SLCO4C1: variants seen among roughly 807,000 people sequenced by gnomAD.
SLCO4C1 encodes the protein organic anion transporter M1.
SLCO4C1 carries 58 observed loss-of-function variants against 72.1 expected under a neutral mutation model. The ratio of observed to expected loss-of-function variants is 0.80; its 90% confidence interval spans 0.65 to 1.00. The LOEUF is 1.00. Among genes scored for constraint, SLCO4C1 ranks in the 50% least tolerant of loss-of-function variants. The probability of loss-of-function intolerance (pLI) is 0.00; values close to 1 mark genes in which losing one functional copy is unlikely to be tolerated. For missense variants in SLCO4C1, 898 were observed against 857.9 expected (o/e 1.05, Z -0.58); for synonymous variants, 297 against 312.5 (o/e 0.95, Z 0.52).
At chr5:102,269,309 T>A (rs1268617910) in intron 3 of SLCO4C1, among the ~76,000 whole-genome samples, 1 of 151,938 alleles carries the variant, frequency 6.6e-6, no homozygotes, top group Non-Finnish European at 1.5e-5. Context: ...AATTCAAATA[T>A]TTGTATACTT....
rs748593724 is a variant in SLCO4C1 at position 102,296,188 on chromosome 5, C to T, written c.75G>A (p.Ala25=). The change falls in exon 1 of 13, where the codon GCG becomes GCA. Residue 25 remains alanine, a synonymous_variant. Coordinates refer to ENST00000310954, the MANE Select transcript of SLCO4C1 (RefSeq NM_180991.5). ...SSPDILRRLS[A]SPSQIEVSAL... ...CAGAGACTTCGATTTGGGAGGGCGA[C>T]GCAGACAAGCGGCGCAGGATGTCTG... 1.9e-6 allele frequency: 3 copies of T among 1,606,210 alleles called. No individual in the cohort carries two copies. In the East Asian group the frequency reaches 6.7e-5, roughly 36 times the overall value.
chr5:102,284,478 G>C (rs1749412268), intron 2 of SLCO4C1, among the ~76,000 whole-genome samples: 1 of 152,156 alleles, frequency 6.6e-6, no homozygotes, highest in Admixed American at 6.5e-5. Context: ...CATTTACCTA[G>C]AGGAAGACAA....
Position 102,253,544 on chromosome 5 carries a change from C to A in SLCO4C1, c.1469+3571G>T, listed in dbSNP as rs183849140. Among the ~76,000 whole-genome samples the A allele has an allele frequency of 8.2e-3, 1,248 of 152,126 alleles. 7 individuals carry two copies. The highest frequency in any genetic ancestry group is 0.017 in the Middle Eastern group (5 of 294). On this transcript the variant is annotated intron_variant, in intron 8 of 12. Coordinates refer to ENST00000310954, the MANE Select transcript of SLCO4C1 (RefSeq NM_180991.5). The stretch of plus-strand genomic sequence containing the variant: ...ACTATTAGCCAGGCACAGTGGCTCG[C>A]ACCTGTAATCCCAGCACTTTGGGAG...
At position 102,253,982 on chromosome 5, in the gene SLCO4C1, AT is replaced by A. The variant is rs1411453058; in HGVS notation, c.1469+3132del. ...ATATATATATATCCCCTGATCTTAC[AT>A]TTTTTGGAAATGCTGTTATATTAAA... On this transcript the variant is annotated intron_variant, in intron 8 of 12. Coordinates refer to ENST00000310954, the MANE Select transcript of SLCO4C1 (RefSeq NM_180991.5). 1.6e-4 allele frequency among the ~76,000 whole-genome samples: 24 copies of A among 151,862 alleles called. 1 individual carries two copies. Among genetic ancestry groups the A allele is most frequent in the Admixed American group, 8.5e-4 (13 of 15,238 alleles).
chr5:102,283,658 C>T (rs3114663), intron 2 of SLCO4C1, among the ~76,000 whole-genome samples: 2,662 of 150,402 alleles, frequency 0.018, 74 homozygotes, highest in African/African-American at 0.06. Context: ...GACACAACTA[C>T]GCCTATGGCC....
intron 8 of SLCO4C1, among the ~76,000 whole-genome samples, chr5:102,251,617 AG>A (rs1451542559): frequency 1.3e-5 from 2 of 152,128 alleles, no homozygotes; most frequent in African/African-American, 4.8e-5. Flanking sequence ...GAAGAGTCAA[AG>A]GTGACTCCTA....
chr5:102,263,814 T>G, intron 3 of SLCO4C1, 34 bp from the exon 4 acceptor site: 1 of 1,502,632 alleles, frequency 6.7e-7, no homozygotes, highest in Non-Finnish European at 9.2e-7. Context: ...AATACAGTCA[T>G]ATGTACAACT....
intron 10 of SLCO4C1, among the ~76,000 whole-genome samples, chr5:102,242,722 C>A (rs554169043): frequency 6.6e-6 from 1 of 152,106 alleles, no homozygotes; most frequent in Non-Finnish European, 1.5e-5. Flanking sequence ...ACATTGAGGG[C>A]GTTGGGTGAG....
chr5:102,247,184 C>G (rs1389520513), intron 10 of SLCO4C1, 68 bp downstream of exon 10: 17 of 1,220,436 alleles, frequency 1.4e-5, no homozygotes, highest in African/African-American at 3.0e-5. Flanking sequence ...CCAAATGAAC[C>G]CCGAGTCCAT....
chr5:102,261,861 C>T, intron 5 of SLCO4C1, 51 bp downstream of exon 5: 1 of 1,533,036 alleles, frequency 6.5e-7, no homozygotes, highest in Non-Finnish European at 8.8e-7. Flanking sequence ...AAAATAGCAA[C>T]TGGCCTACAA....
chr5:102,292,170 A>C (rs1749569735), intron 1 of SLCO4C1, among the ~76,000 whole-genome samples: 1 of 152,202 alleles, frequency 6.6e-6, no homozygotes, highest in Non-Finnish European at 1.5e-5. Context: ...CAGGTGTCCA[A>C]CAAGACTGAT....
intron 1 of SLCO4C1, among the ~76,000 whole-genome samples, chr5:102,295,085 TC>T (rs1394236155): frequency 6.6e-6 from 1 of 152,158 alleles, no homozygotes; most frequent in Non-Finnish European, 1.5e-5. Context: ...CTTCCTATTT[TC>T]CTTCAACCTC....
Position 102,234,767 on chromosome 5 carries a change from T to C in SLCO4C1, c.*2091A>G, listed in dbSNP as rs1748402787. On this transcript the variant is annotated 3_prime_UTR_variant, in exon 13 of 13. Transcript: ENST00000310954. Reference sequence around the variant, plus strand: ...TATGAAAGTCTTCAATCCAATTCCCTGCTTCCACACAAAGGACAAAGAAAG... The same window carrying C: ...TATGAAAGTCTTCAATCCAATTCCCCGCTTCCACACAAAGGACAAAGAAAG... The C allele has an allele frequency of 6.6e-6, 1 of 150,916 alleles. No individual in the cohort carries two copies. Among genetic ancestry groups the C allele is most frequent in the African/African-American group, 2.4e-5 (1 of 40,884 alleles). The allele number at this position is 150,916 out of a possible 1,614,324, so 9.3% of individuals were successfully genotyped here. A position where few individuals can be genotyped will look rare whatever the true frequency, so the allele number is the denominator to read the frequency against.
intron 9 of SLCO4C1, among the ~76,000 whole-genome samples, chr5:102,249,025 TG>T (rs1748686324): frequency 6.6e-6 from 1 of 152,186 alleles, no homozygotes; most frequent in South Asian, 2.1e-4. Context: ...AGTGTATTCA[TG>T]GTATATCAAA....
At chr5:102,260,357 TTATAC>T in intron 5 of SLCO4C1, 38 bp from the exon 6 acceptor site, 1 of 237,076 alleles carries the variant, frequency 4.2e-6, no homozygotes, top group Non-Finnish European at 6.6e-6. Context: ...AATATATATA[TTATAC>T]ATATAATATA....
At position 102,258,063 on chromosome 5, in the gene SLCO4C1, T is replaced by G. The variant is rs1262179814; in HGVS notation, c.1153A>C (p.Met385Leu). 5 of 1,574,354 alleles carry G rather than the reference T, an allele frequency of 3.2e-6. No individual in the cohort carries two copies. The highest frequency in any genetic ancestry group is 2.8e-5 in the African/African-American group (2 of 72,492). ...GAAGAAGTTGATAGAACTAAACACA[T>G]AAAGACAGCATTCTTCATCAAATTC... ...LKNLMKNAVF[M>L]CLVLSTSSEA... is the part of the protein sequence containing the mutation. Residue 385 changes from methionine to leucine, a missense_variant, in exon 7 of 13, where the codon ATG becomes CTG. Transcript: ENST00000310954.
At chr5:102,293,301 A>T (rs1749588613) in intron 1 of SLCO4C1, among the ~76,000 whole-genome samples, 1 of 152,170 alleles carries the variant, frequency 6.6e-6, no homozygotes, top group Admixed American at 6.5e-5. Context: ...AAAATTAGTT[A>T]ATAGAAAGAA....
intron 8 of SLCO4C1, among the ~76,000 whole-genome samples, chr5:102,253,865 T>G (rs1748786065): frequency 6.6e-6 from 1 of 151,328 alleles, no homozygotes; most frequent in African/African-American, 2.4e-5. Flanking sequence ...GGTAACAGAA[T>G]CAATCATACC....
chr5:102,257,841 GT>G, intron 7 of SLCO4C1, 101 bp downstream of exon 7: 1 of 1,129,338 alleles, frequency 8.9e-7, no homozygotes. Flanking sequence ...GCTGGTTTTA[GT>G]TTAAATTTCA....
Sources: gnomAD v4.1 joint callset for allele counts (sites outside exome capture counted in the v4.1 genomes callset) on GRCh38, gnomAD v4.1.1 for gene constraint, MANE v1.5 for transcripts, NCBI Gene and HGNC (gene_info 2026-07-23, HGNC 2026-07-21) for gene names.